Variants in DNM3 observed in about 807,000 individuals in gnomAD.
DNM3 encodes the protein dynamin-3.
DNM3 carries 47 observed loss-of-function variants against 101.6 expected under a neutral mutation model. That is an observed-to-expected ratio of 0.46 (90% CI 0.37 to 0.59). The LOEUF is 0.59. Ranked by LOEUF, DNM3 falls within the 20% of genes least tolerant of loss-of-function variation. The pLI is 0.00. For missense variants in DNM3, 849 were observed against 1,085.7 expected, an observed-to-expected ratio of 0.78 and a Z score of 3.06; for synonymous variants, 385 against 387.9, an observed-to-expected ratio of 0.99 and a Z score of 0.09.
chr1:172,111,906 A>T (rs2055514122), intron 13 of DNM3, among the ~76,000 whole-genome samples: 1 of 152,146 alleles, frequency 6.6e-6, no homozygotes, highest in Non-Finnish European at 1.5e-5. Context: ...AGGTGTCACG[A>T]GATCTTTTGT....
intron 4 of DNM3, among the ~76,000 whole-genome samples, chr1:172,018,242 C>G (rs117062943): frequency 1.3e-5 from 2 of 151,722 alleles, no homozygotes; most frequent in East Asian, 3.9e-4. Context: ...ATATTTGTTA[C>G]TACTTCTATT....
chr1:172,407,193 G>T (rs1001642817), intron 20 of DNM3, among the ~76,000 whole-genome samples: 4 of 128,224 alleles, frequency 3.1e-5, no homozygotes, highest in African/African-American at 1.0e-4. Context: ...ATAGGAACTA[G>T]AGCTCCTGCA....
chr1:172,066,281 A>T (rs1398316816), intron 10 of DNM3, among the ~76,000 whole-genome samples: 3 of 152,204 alleles, frequency 2.0e-5, no homozygotes, highest in African/African-American at 7.2e-5. Context: ...AACTGGGTAT[A>T]CAGAAAAGGA....
chr1:172,058,916 T>A (rs553183674), intron 10 of DNM3, among the ~76,000 whole-genome samples: 1 of 152,112 alleles, frequency 6.6e-6, no homozygotes, highest in Admixed American at 6.6e-5. Context: ...GCTGGTTTTT[T>A]GAAAGGATCA....
chr1:172,079,338 A>G (rs1338767788), intron 11 of DNM3, among the ~76,000 whole-genome samples: 1 of 151,586 alleles, frequency 6.6e-6, no homozygotes, highest in Admixed American at 6.6e-5. Flanking sequence ...TTTTTCTGTA[A>G]TCTTGTCTCT....
At chr1:171,923,003 A>G (rs2040299125) in intron 2 of DNM3, among the ~76,000 whole-genome samples, 1 of 152,212 alleles carries the variant, frequency 6.6e-6, no homozygotes, top group Non-Finnish European at 1.5e-5. Flanking sequence ...TGATGTTGCT[A>G]TAAACATTCA....
At chr1:172,403,308 T>C (rs766592169) in intron 20 of DNM3, among the ~76,000 whole-genome samples, 24 of 152,126 alleles carry the variant, frequency 1.6e-4, no homozygotes, top group Non-Finnish European at 3.4e-4. Context: ...TTATGCTAGC[T>C]GGAAGCAAGA....
chr1:172,070,259 A>C (rs1162939172), intron 11 of DNM3, among the ~76,000 whole-genome samples: 1 of 152,230 alleles, frequency 6.6e-6, no homozygotes, highest in Non-Finnish European at 1.5e-5. Flanking sequence ...CTCCTGAGTC[A>C]GTGAAATCAA....
At position 171,841,562 on chromosome 1, in the gene DNM3, G is replaced by T. The variant is rs1480664733; in HGVS notation, c.-95G>T. On this transcript the variant is annotated 5_prime_UTR_variant, in exon 1 of 21. Transcript: ENST00000627582. Reference sequence around the variant, plus strand: ...CGCCAGGACCTGGCTGGCTGAGCCCGGCGCAGCAGCAGCAGCCAGGGCAGC... The same window carrying T: ...CGCCAGGACCTGGCTGGCTGAGCCCTGCGCAGCAGCAGCAGCCAGGGCAGC... 2.0e-6 allele frequency: 3 copies of T among 1,475,088 alleles called. No homozygotes were observed. The highest frequency in any genetic ancestry group is 2.5e-5 in the South Asian group (2 of 78,522). 91.4% of individuals were successfully genotyped at this position (1,475,088 alleles called of 1,614,324 possible). A position where few individuals can be genotyped will look rare whatever the true frequency, so the allele number is the denominator to read the frequency against.
intron 14 of DNM3, among the ~76,000 whole-genome samples, chr1:172,220,082 C>A (rs74888020): frequency 0.014 from 2,203 of 152,224 alleles, 30 homozygotes; most frequent in Non-Finnish European, 0.021. Flanking sequence ...TCGAGGAGAG[C>A]AAACCCAGAA....
At chr1:172,243,298 G>A (rs1204963934) in intron 14 of DNM3, among the ~76,000 whole-genome samples, 2 of 152,104 alleles carry the variant, frequency 1.3e-5, no homozygotes, top group East Asian at 3.9e-4. Context: ...GAGGAAAGGG[G>A]AATGTGCATT....
Position 172,409,759 on chromosome 1 carries a change from T to C in DNM3, c.*1918T>C, listed in dbSNP as rs1334340604. The C allele has an allele frequency of 9.9e-5, 98 of 985,544 alleles. No individual in the cohort carries two copies. Among genetic ancestry groups the C allele is most frequent in the Non-Finnish European group, 1.2e-4 (97 of 829,788 alleles). The allele number at this position is 985,544 out of a possible 1,614,324, so 61.0% of individuals were successfully genotyped here. The stretch of plus-strand genomic sequence containing the variant: ...AAAACTTCTTGTTTTTAGGATTCCC[T>C]TTGCTTCTTCCTTTGAATTCTCTAA... On this transcript the variant is annotated 3_prime_UTR_variant, in exon 21 of 21. Transcript: ENST00000627582.
chr1:172,366,775 A>G (rs1419889715), intron 17 of DNM3: 3 of 151,998 alleles, frequency 2.0e-5, no homozygotes, highest in Non-Finnish European at 2.9e-5. Context: ...CAGATCAACC[A>G]AAAGAAAGAA....
intron 13 of DNM3, among the ~76,000 whole-genome samples, chr1:172,127,556 C>T (rs906709210): frequency 5.8e-4 from 88 of 151,712 alleles, no homozygotes; most frequent in African/African-American, 2.1e-3. Flanking sequence ...ACTACAGGCA[C>T]CCGCCAGCAT....
chr1:172,405,537 C>T (rs562083144), intron 20 of DNM3, among the ~76,000 whole-genome samples: 1 of 152,192 alleles, frequency 6.6e-6, no homozygotes, highest in Admixed American at 6.5e-5. Context: ...CAAGCTATCA[C>T]ATATTCATGA....
At chr1:172,393,350 A>C (rs1484837069) in intron 20 of DNM3, 1 of 152,314 alleles carries the variant, frequency 6.6e-6, no homozygotes, top group Non-Finnish European at 1.5e-5. Flanking sequence ...ACTTAGGGAT[A>C]CGATCTCCTT....
At chr1:172,333,945 C>T (rs917554870) in intron 17 of DNM3, among the ~76,000 whole-genome samples, 1 of 152,072 alleles carries the variant, frequency 6.6e-6, no homozygotes, top group Non-Finnish European at 1.5e-5. Flanking sequence ...AGCCATTAGT[C>T]TCATAAATTT....
chr1:171,969,790 A>G (rs1242984320), intron 2 of DNM3, among the ~76,000 whole-genome samples: 1 of 152,152 alleles, frequency 6.6e-6, no homozygotes, highest in Non-Finnish European at 1.5e-5. Context: ...CCTAATAAAT[A>G]TATGGTCTTA....
chr1:171,959,520 G>A (rs554395026), intron 2 of DNM3, among the ~76,000 whole-genome samples: 15 of 152,182 alleles, frequency 9.9e-5, no homozygotes, highest in Admixed American at 3.9e-4. Flanking sequence ...GAAAATCTAG[G>A]CTACATATGC....
Sources: allele counts gnomAD v4.1 joint callset (sites outside exome capture counted in the v4.1 genomes callset), GRCh38; gene constraint gnomAD v4.1.1; transcripts MANE v1.5; gene names NCBI Gene and HGNC (gene_info 2026-07-23, HGNC 2026-07-21).